The following DLG2 variants were observed in gnomAD, a reference collection of about 807,000 sequenced individuals.
The protein encoded by DLG2 is discs large MAGUK scaffold protein 2.
In DLG2, 45 loss-of-function variants were observed where a neutral mutation model predicts 132.5. That is an observed-to-expected ratio of 0.34 (90% CI 0.27 to 0.44). DLG2 has a LOEUF of 0.44. Among genes scored for constraint, DLG2 ranks in the 20% least tolerant of loss-of-function variants. DLG2 has a pLI of 1.00. For synonymous variants in DLG2, 424 were observed against 419.6 expected (o/e 1.01, Z -0.13); for missense variants, 1,045 against 1,196.9 (o/e 0.87, Z 1.87).
intron 3 of DLG2, among the ~76,000 whole-genome samples, chr11:85,293,953 C>G (rs1011260479): frequency 6.6e-6 from 1 of 152,062 alleles, no homozygotes; most frequent in Non-Finnish European, 1.5e-5. Context: ...TAATAAGATG[C>G]ATGCAAAGCT....
intron 7 of DLG2, among the ~76,000 whole-genome samples, chr11:84,512,798 T>C (rs1412507862): frequency 2.0e-5 from 3 of 151,842 alleles, no homozygotes; most frequent in Non-Finnish European, 4.4e-5. Context: ...CATGGAATAC[T>C]ACACAGCCAT....
At chr11:83,782,350 T>C (rs1282049961) in intron 18 of DLG2, among the ~76,000 whole-genome samples, 1 of 152,192 alleles carries the variant, frequency 6.6e-6, no homozygotes, top group Admixed American at 6.5e-5. Context: ...GTCAAATTCA[T>C]ATTGCATGGA....
At chr11:83,952,803 G>A (rs2085800033) in intron 14 of DLG2, among the ~76,000 whole-genome samples, 1 of 151,742 alleles carries the variant, frequency 6.6e-6, no homozygotes, top group Non-Finnish European at 1.5e-5. Context: ...CTCTGTGGTA[G>A]GAAAAACAGT....
At chr11:83,999,248 C>T (rs1166501950) in intron 11 of DLG2, among the ~76,000 whole-genome samples, 1 of 152,152 alleles carries the variant, frequency 6.6e-6, no homozygotes, top group Non-Finnish European at 1.5e-5. Context: ...CCAGCCCAGT[C>T]TATCACCATT....
rs561815021 is a variant in DLG2 at position 84,864,609 on chromosome 11, T to C, written c.357+247052A>G. 8.5e-5 allele frequency among the ~76,000 whole-genome samples: 13 copies of C among 152,284 alleles called. No homozygotes were observed. The South Asian group carries it at 2.7e-3, about 32-fold the overall frequency. ...TAACTTTAAATAAGGAACTATGGGT[T>C]TTTCTGAACAATGTTCGATCCACTT... is the stretch of plus-strand genomic sequence containing the variant. On this transcript the variant is annotated intron_variant, in intron 6 of 27. Transcript: ENST00000376104.
intron 7 of DLG2, among the ~76,000 whole-genome samples, chr11:84,499,546 G>T (rs1044077558): frequency 4.4e-4 from 67 of 152,170 alleles, no homozygotes; most frequent in African/African-American, 1.6e-3. Context: ...AAAGATACTT[G>T]CCATCTTAAT....
At chr11:84,148,479 T>C (rs1185657934) in intron 9 of DLG2, among the ~76,000 whole-genome samples, 1 of 152,168 alleles carries the variant, frequency 6.6e-6, no homozygotes, top group Non-Finnish European at 1.5e-5. Context: ...CACACAGTAT[T>C]TGGCTTTCTG....
intron 7 of DLG2, among the ~76,000 whole-genome samples, chr11:84,320,005 A>G (rs879308317): frequency 6.6e-6 from 1 of 152,186 alleles, no homozygotes. Flanking sequence ...CCTCTGTACT[A>G]TAAGACAGAC....
intron 7 of DLG2, chr11:84,316,962 T>C (rs1181531087): frequency 1.2e-6 from 2 of 1,612,628 alleles, no homozygotes; most frequent in Non-Finnish European, 1.7e-6. Flanking sequence ...CCGGTCCTGT[T>C]TGAAGCTGGG....
intron 11 of DLG2, among the ~76,000 whole-genome samples, chr11:84,016,048 T>G (rs1176244421): frequency 2.0e-5 from 3 of 152,094 alleles, no homozygotes; most frequent in Non-Finnish European, 2.9e-5. Context: ...GCAGCTGTTG[T>G]TTTTTTGCCT....
At position 84,593,756 on chromosome 11, in the gene DLG2, G is replaced by A. The variant is rs992743595; in HGVS notation, c.358-59025C>T. ...GCACGAGTATATCTATGTAATAAAC[G>A]TGCAGGTTCTGCACATGTATCCCAG... On this transcript the variant is annotated intron_variant, in intron 6 of 27. Transcript: ENST00000376104. Among the ~76,000 whole-genome samples the A allele has an allele frequency of 1.1e-4, 17 of 152,058 alleles. No individual in the cohort carries two copies. In the South Asian group the frequency reaches 2.3e-3, roughly 20 times the overall value.
chr11:84,925,230 T>G (rs775567559), intron 6 of DLG2, among the ~76,000 whole-genome samples: 13 of 152,134 alleles, frequency 8.5e-5, no homozygotes, highest in Non-Finnish European at 1.8e-4. Context: ...CAAAAAGAAC[T>G]GGAAAATGTT....
chr11:85,491,139 T>C (rs1253624118), intron 3 of DLG2, among the ~76,000 whole-genome samples: 1 of 152,096 alleles, frequency 6.6e-6, no homozygotes, highest in African/African-American at 2.4e-5. Context: ...ACAAACGTGA[T>C]ACCTTATATA....
At chr11:84,181,079 A>T (rs2096113159) in intron 8 of DLG2, among the ~76,000 whole-genome samples, 1 of 151,558 alleles carries the variant, frequency 6.6e-6, no homozygotes, top group Non-Finnish European at 1.5e-5. Context: ...TAATAGGAAT[A>T]ATGCATATGA....
intron 3 of DLG2, among the ~76,000 whole-genome samples, chr11:85,466,842 T>G (rs1006267238): frequency 1.3e-5 from 2 of 152,214 alleles, no homozygotes; most frequent in Non-Finnish European, 2.9e-5. Context: ...TCCAATTCTG[T>G]GAAGAAAGTC....
At chr11:83,831,451 G>A (rs1178421005) in intron 17 of DLG2, among the ~76,000 whole-genome samples, 1 of 151,886 alleles carries the variant, frequency 6.6e-6, no homozygotes, top group African/African-American at 2.4e-5. Flanking sequence ...GGCTATTCAT[G>A]CAAATTTCCG....
intron 7 of DLG2, among the ~76,000 whole-genome samples, chr11:84,374,316 C>T (rs1332871023): frequency 6.6e-6 from 1 of 152,174 alleles, no homozygotes; most frequent in Non-Finnish European, 1.5e-5. Context: ...TTATTTCTCA[C>T]CATAACCCAT....
At chr11:84,050,947 A>G (rs533946052) in intron 11 of DLG2, among the ~76,000 whole-genome samples, 1 of 152,098 alleles carries the variant, frequency 6.6e-6, no homozygotes, top group Non-Finnish European at 1.5e-5. Flanking sequence ...GAAGCCAGGT[A>G]GCAAGATGCC....
At chr11:84,903,549 C>T (rs1007260215) in intron 6 of DLG2, among the ~76,000 whole-genome samples, 1 of 152,084 alleles carries the variant, frequency 6.6e-6, no homozygotes, top group African/African-American at 2.4e-5. Context: ...TGATAGTTGG[C>T]ATTGTTCACA....
Sources: allele counts gnomAD v4.1 joint callset (sites outside exome capture counted in the v4.1 genomes callset), GRCh38; gene constraint gnomAD v4.1.1; transcripts MANE v1.5; gene names NCBI Gene and HGNC (gene_info 2026-07-23, HGNC 2026-07-21).